The following SLC25A21 variants were observed in gnomAD, a reference collection of about 807,000 sequenced individuals.
SLC25A21 encodes the protein solute carrier family 25 member 21.
In SLC25A21, 47 loss-of-function variants were observed where a neutral mutation model predicts 43.8. That is an observed-to-expected ratio of 1.07 (90% CI 0.85 to 1.37). The LOEUF is 1.37. Among genes scored for constraint, SLC25A21 ranks in the 40% most tolerant of loss-of-function variants. The pLI is 0.00. For missense variants in SLC25A21, 352 were observed against 350.2 expected (o/e 1.00, Z -0.04); for synonymous variants, 131 against 121.3 (o/e 1.08, Z -0.52).
intron 1 of SLC25A21, among the ~76,000 whole-genome samples, chr14:36,986,218 A>G (rs917136863): frequency 6.6e-6 from 1 of 152,192 alleles, no homozygotes; most frequent in Non-Finnish European, 1.5e-5. Context: ...AATTATTTCT[A>G]TAATCTACAT....
At chr14:36,744,615 T>C (rs1043919153) in intron 3 of SLC25A21, among the ~76,000 whole-genome samples, 3 of 35,730 alleles carry the variant, frequency 8.4e-5, no homozygotes, top group African/African-American at 3.2e-4. Context: ...GAAATTCTTC[T>C]GAACATTGGC....
chr14:36,997,026 G>T (rs1257789767), intron 1 of SLC25A21, among the ~76,000 whole-genome samples: 2 of 152,098 alleles, frequency 1.3e-5, no homozygotes, highest in Non-Finnish European at 2.9e-5. Context: ...ATCTTGGTGG[G>T]AGAGTCGGCT....
chr14:36,779,441 T>A (rs527559350), intron 3 of SLC25A21, among the ~76,000 whole-genome samples: 1 of 135,294 alleles, frequency 7.4e-6, no homozygotes, highest in Admixed American at 8.3e-5. Context: ...ATCCAGGCTT[T>A]AAAAAAAAGA....
chr14:36,686,828 G>A (rs1351804272), intron 7 of SLC25A21, among the ~76,000 whole-genome samples: 1 of 152,182 alleles, frequency 6.6e-6, no homozygotes, highest in African/African-American at 2.4e-5. Context: ...AGTTGGGGAT[G>A]GAAGGTGAAC....
intron 1 of SLC25A21, among the ~76,000 whole-genome samples, chr14:36,957,552 A>G (rs1959373427): frequency 6.6e-6 from 1 of 152,202 alleles, no homozygotes; most frequent in South Asian, 2.1e-4. Context: ...CTATGACTTT[A>G]CAGTCCTCTC....
At chr14:36,892,674 A>C (rs1356558918) in intron 1 of SLC25A21, among the ~76,000 whole-genome samples, 1 of 151,994 alleles carries the variant, frequency 6.6e-6, no homozygotes, top group Admixed American at 6.6e-5. Context: ...CATTAGGTAT[A>C]TCTCCTAATG....
At chr14:36,811,618 C>T (rs1888271222) in intron 3 of SLC25A21, among the ~76,000 whole-genome samples, 1 of 152,132 alleles carries the variant, frequency 6.6e-6, no homozygotes, top group Non-Finnish European at 1.5e-5. Flanking sequence ...TGCCATTGCA[C>T]TCCAGCCTGC....
chr14:37,005,699 C>G (rs1960588389), intron 1 of SLC25A21, among the ~76,000 whole-genome samples: 1 of 151,982 alleles, frequency 6.6e-6, no homozygotes, highest in South Asian at 2.1e-4. Context: ...CACACACACA[C>G]ACGATGTGAT....
At chr14:36,685,932 C>G (rs1364464817) in intron 7 of SLC25A21, among the ~76,000 whole-genome samples, 1 of 152,098 alleles carries the variant, frequency 6.6e-6, no homozygotes, top group Admixed American at 6.5e-5. Flanking sequence ...GCTGCTGACT[C>G]CGACCCCCCA....
chr14:36,990,814 G>A (rs1044684921), intron 1 of SLC25A21, among the ~76,000 whole-genome samples: 2 of 151,874 alleles, frequency 1.3e-5, no homozygotes, highest in African/African-American at 4.8e-5. Flanking sequence ...CCGGGAGGTC[G>A]AGGTTGCAGT....
chr14:36,753,201 A>C (rs1265320147), intron 3 of SLC25A21, among the ~76,000 whole-genome samples: 4 of 152,202 alleles, frequency 2.6e-5, no homozygotes, highest in Admixed American at 6.5e-5. Context: ...TGTATACTTA[A>C]AATAGCTAAA....
chr14:37,022,704 A>G (rs960526158), intron 1 of SLC25A21, among the ~76,000 whole-genome samples: 3 of 152,022 alleles, frequency 2.0e-5, no homozygotes, highest in Non-Finnish European at 4.4e-5. Context: ...TAATTAATGA[A>G]GTCTGGAATG....
chr14:36,746,706 T>A (rs553442691), intron 3 of SLC25A21, among the ~76,000 whole-genome samples: 3 of 152,272 alleles, frequency 2.0e-5, no homozygotes, highest in Admixed American at 1.3e-4. Context: ...CCTTTTCTTA[T>A]CTCCTGTTTC....
In SLC25A21 at chr14:37,164,892, C is replaced by T. The variant is rs952990879; in HGVS notation, c.70+7389G>A. Among the ~76,000 whole-genome samples the T allele has an allele frequency of 7.2e-5, 11 of 152,264 alleles. No homozygotes were observed. The South Asian group carries it at 2.1e-3, about 29-fold the overall frequency. ...TCCCTCAAAAAAGTCTTTCATTTCA[C>T]TCTTATTTGACTCTTTGAAGGTGAT... On this transcript the variant is annotated intron_variant, in intron 1 of 9. Transcript: ENST00000331299.
At chr14:37,147,538 G>A (rs1316745470) in intron 1 of SLC25A21, among the ~76,000 whole-genome samples, 1 of 151,666 alleles carries the variant, frequency 6.6e-6, no homozygotes, top group African/African-American at 2.4e-5. Context: ...AGGGAAGCTA[G>A]CCTCAGAAGG....
chr14:36,772,020 C>T (rs1427434429), intron 3 of SLC25A21, among the ~76,000 whole-genome samples: 2 of 152,108 alleles, frequency 1.3e-5, no homozygotes, highest in African/African-American at 4.8e-5. Context: ...ACACCATTTT[C>T]CTTGGGGCCA....
intron 2 of SLC25A21, among the ~76,000 whole-genome samples, chr14:36,832,254 A>G (rs932666668): frequency 1.3e-5 from 2 of 152,102 alleles, no homozygotes; most frequent in African/African-American, 4.8e-5. Flanking sequence ...TGATTCTACA[A>G]AATAATATAT....
chr14:36,954,827 T>C (rs936074778), intron 1 of SLC25A21, among the ~76,000 whole-genome samples: 4 of 152,138 alleles, frequency 2.6e-5, no homozygotes, highest in African/African-American at 9.6e-5. Context: ...CTGCAATGAC[T>C]TCCCTCTACT....
chr14:36,881,022 A>G (rs1038174185), intron 1 of SLC25A21, among the ~76,000 whole-genome samples: 1 of 152,190 alleles, frequency 6.6e-6, no homozygotes, highest in East Asian at 1.9e-4. Context: ...AAGGGAAGAC[A>G]TTGAGCAGAA....
Sources: gnomAD v4.1 joint callset for allele counts (sites outside exome capture counted in the v4.1 genomes callset) on GRCh38, gnomAD v4.1.1 for gene constraint, MANE v1.5 for transcripts, NCBI Gene and HGNC (gene_info 2026-07-23, HGNC 2026-07-21) for gene names.